The following PPP3R1 variants were observed in gnomAD, a reference collection of about 807,000 sequenced individuals.
The protein encoded by PPP3R1 is protein phosphatase 3 regulatory subunit B, alpha, also known as calcineurin subunit B type 1.
PPP3R1 carries 5 observed loss-of-function variants against 22.6 expected under a neutral mutation model. The observed-to-expected ratio is 0.22, with a 90% CI of 0.12 to 0.46. PPP3R1 has a LOEUF of 0.46. Ranked by LOEUF, PPP3R1 falls within the 20% of genes least tolerant of loss-of-function variation. The probability of loss-of-function intolerance (pLI) is 0.99; values close to 1 mark genes in which losing one functional copy is unlikely to be tolerated. For synonymous variants in PPP3R1, 56 were observed against 65.2 expected (o/e 0.86, Z 0.68); for missense variants, 61 against 203.2 (o/e 0.30, Z 4.25).
intron 1 of PPP3R1, among the ~76,000 whole-genome samples, chr2:68,220,286 A>G (rs1375759408): frequency 1.3e-5 from 2 of 152,320 alleles, no homozygotes; most frequent in Middle Eastern, 3.4e-3. Context: ...ACTTCAGAAA[A>G]GGGAGACACA....
In PPP3R1 at chr2:68,188,545, G is replaced by A; in HGVS notation, c.189C>T (p.Asp63=). 6.2e-7 allele frequency: 1 copy of A among 1,608,380 alleles called. No homozygotes were observed. The highest frequency in any genetic ancestry group is 8.5e-7 in the Non-Finnish European group (1 of 1,177,918). Residue 63 remains aspartate, a synonymous_variant, in exon 3 of 6, where the codon GAC becomes GAT. Coordinates refer to ENST00000234310, the MANE Select transcript of PPP3R1 (RefSeq NM_000945.4). ...AGTCTACTTCTCCATTCCCATCTGT[G>A]TCGAATATATCTATTACTCGCTGTA... is the stretch of plus-strand genomic sequence containing the variant. ...PLVQRVIDIF[D]TDGNGEVDFK... is the part of the protein sequence containing the mutation.
intron 2 of PPP3R1, among the ~76,000 whole-genome samples, chr2:68,200,734 T>C (rs1674957807): frequency 6.6e-6 from 1 of 152,172 alleles, no homozygotes; most frequent in Non-Finnish European, 1.5e-5. Context: ...CCAACCTGCA[T>C]TTCTGGGCTA....
chr2:68,196,665 A>G (rs562399692), intron 2 of PPP3R1, among the ~76,000 whole-genome samples: 2 of 152,276 alleles, frequency 1.3e-5, no homozygotes, highest in South Asian at 4.1e-4. Context: ...TTATCATGCA[A>G]TTGTCAAATA....
chr2:68,198,846 G>C (rs1674895115), intron 2 of PPP3R1, among the ~76,000 whole-genome samples: 2 of 151,556 alleles, frequency 1.3e-5, no homozygotes, highest in African/African-American at 4.9e-5. Flanking sequence ...GTCTTTTTAA[G>C]TTCCAATAAT....
At chr2:68,211,449 G>T (rs963972224) in intron 2 of PPP3R1, among the ~76,000 whole-genome samples, 1 of 148,376 alleles carries the variant, frequency 6.7e-6, no homozygotes, top group African/African-American at 2.5e-5. Context: ...AAATGCTAAG[G>T]ATCACCTGAG....
At chr2:68,246,055 T>TTTTC (rs1259198655) in intron 1 of PPP3R1, among the ~76,000 whole-genome samples, 6 of 147,464 alleles carry the variant, frequency 4.1e-5, no homozygotes, top group Admixed American at 7.0e-5. Context: ...TTTACTGACT[T>TTTTC]TTTCTTTCTT....
In PPP3R1 at chr2:68,252,528, G is replaced by A. The variant is rs1670393297; in HGVS notation, c.-401C>T. 4.2e-6 allele frequency: 4 copies of A among 952,160 alleles called. No homozygotes were observed. The African/African-American group carries it at 8.9e-5, about 21-fold the overall frequency. The allele number at this position is 952,160 out of a possible 1,614,324, so 59.0% of individuals were successfully genotyped here. A position where few individuals can be genotyped will look rare whatever the true frequency, so the allele number is the denominator to read the frequency against. On this transcript the variant is annotated 5_prime_UTR_variant, in exon 1 of 6. Transcript: ENST00000234310. ...GGCTCGCGCTGACCCGCAACCTCAA[G>A]GCACGAAAAAAGGGGAGGGCGGAGA...
intron 1 of PPP3R1, among the ~76,000 whole-genome samples, chr2:68,244,399 C>A (rs1360258924): frequency 6.6e-6 from 1 of 152,174 alleles, no homozygotes; most frequent in Non-Finnish European, 1.5e-5. Flanking sequence ...CCCCTCAAAA[C>A]CACCCCAGTT....
At position 68,198,339 on chromosome 2, in the gene PPP3R1, GTACATGTATA is replaced by G. The variant is rs1453443797; in HGVS notation, c.44-9659_44-9650del. The stretch of plus-strand genomic sequence containing the variant: ...TATGTATATACATATGTACATATAT[GTACATGTATA>G]TGCATATATATGTACATATATGTAC... On this transcript the variant is annotated intron_variant, in intron 2 of 5. Transcript: ENST00000234310. Among the ~76,000 whole-genome samples the G allele has an allele frequency of 3.0e-3, 182 of 60,484 alleles. 2 individuals carry two copies. The highest frequency in any genetic ancestry group is 0.015 in the African/African-American group (172 of 11,484). The allele number at this position is 60,484 out of a possible 152,430, so 39.7% of individuals were successfully genotyped here. A position where few individuals can be genotyped will look rare whatever the true frequency, so the allele number is the denominator to read the frequency against.
At position 68,200,671 on chromosome 2, in the gene PPP3R1, G is replaced by C. The variant is rs1674955869; in HGVS notation, c.44-11981C>G. ...TTTCTGATCTAATTTCTTTTCCTATGTTAGTTCCATCTGAAGAGTCAGCAA... is the reference window on the plus strand; with the variant it reads ...TTTCTGATCTAATTTCTTTTCCTATCTTAGTTCCATCTGAAGAGTCAGCAA... On this transcript the variant is annotated intron_variant, in intron 2 of 5. Transcript: ENST00000234310. Among the ~76,000 whole-genome samples the C allele has an allele frequency of 3.9e-5, 6 of 152,232 alleles. No homozygotes were observed. In the South Asian group the frequency reaches 1.2e-3, roughly 32 times the overall value.
At chr2:68,223,745 A>G (rs1273831473) in intron 1 of PPP3R1, among the ~76,000 whole-genome samples, 1 of 151,960 alleles carries the variant, frequency 6.6e-6, no homozygotes. Context: ...GTCATATGTA[A>G]TAAGATTCTC....
chr2:68,202,145 T>G (rs1370411487), intron 2 of PPP3R1, among the ~76,000 whole-genome samples: 1 of 152,224 alleles, frequency 6.6e-6, no homozygotes, highest in African/African-American at 2.4e-5. Context: ...TTGCACATTT[T>G]TCCATATCTT....
chr2:68,202,655 C>G (rs1310482479), intron 2 of PPP3R1, among the ~76,000 whole-genome samples: 3 of 151,714 alleles, frequency 2.0e-5, no homozygotes, highest in African/African-American at 7.3e-5. Flanking sequence ...GAACTCCCGA[C>G]CTCAGGTGAT....
chr2:68,243,344 A>C (rs763960795), intron 1 of PPP3R1, among the ~76,000 whole-genome samples: 1 of 152,202 alleles, frequency 6.6e-6, no homozygotes, highest in African/African-American at 2.4e-5. Flanking sequence ...TCAATTCACA[A>C]ACACTGAGGA....
chr2:68,193,580 G>A (rs1053169559), intron 2 of PPP3R1, among the ~76,000 whole-genome samples: 9 of 152,068 alleles, frequency 5.9e-5, no homozygotes, highest in Admixed American at 1.3e-4. Context: ...AAGAACAAAT[G>A]GTAAATATAG....
At chr2:68,201,409 C>T (rs80050140) in intron 2 of PPP3R1, among the ~76,000 whole-genome samples, 10,080 of 152,018 alleles carry the variant, frequency 0.066, 406 homozygotes, top group Middle Eastern at 0.21. Flanking sequence ...CCCCCAGTTT[C>T]TTTTTTTTCT....
chr2:68,245,335 C>T (rs902269689), intron 1 of PPP3R1, among the ~76,000 whole-genome samples: 1 of 152,064 alleles, frequency 6.6e-6, no homozygotes, highest in African/African-American at 2.4e-5. Flanking sequence ...GCACTCCAAC[C>T]TGGGCAAAAT....
chr2:68,249,282 C>T (rs556195072), intron 1 of PPP3R1, among the ~76,000 whole-genome samples: 3 of 150,920 alleles, frequency 2.0e-5, no homozygotes, highest in Admixed American at 1.3e-4. Flanking sequence ...ATTTTAATTC[C>T]GCTGGTCATA....
At chr2:68,226,073 C>A (rs1358301152) in intron 1 of PPP3R1, among the ~76,000 whole-genome samples, 1 of 152,032 alleles carries the variant, frequency 6.6e-6, no homozygotes, top group Non-Finnish European at 1.5e-5. Context: ...TAAAAGAAAC[C>A]AGACACAAAA....
Sources: allele counts gnomAD v4.1 joint callset (sites outside exome capture counted in the v4.1 genomes callset), GRCh38; gene constraint gnomAD v4.1.1; transcripts MANE v1.5; gene names NCBI Gene and HGNC (gene_info 2026-07-23, HGNC 2026-07-21).